Variants in ARL9 observed in about 807,000 individuals in gnomAD.
ARL9 encodes ADP-ribosylation factor-like protein 9.
Under a neutral mutation model 27.0 loss-of-function variants are expected in ARL9, and 14 were observed. The observed-to-expected ratio is 0.52, with a 90% CI of 0.34 to 0.81. The LOEUF is 0.81. Ranked by LOEUF, ARL9 falls within the 30% of genes least tolerant of loss-of-function variation. The probability of loss-of-function intolerance (pLI) is 0.01; values close to 1 mark genes in which losing one functional copy is unlikely to be tolerated. For missense variants in ARL9, 294 were observed against 290.0 expected, an observed-to-expected ratio of 1.01 and a Z score of -0.10; for synonymous variants, 106 against 108.7, an observed-to-expected ratio of 0.98 and a Z score of 0.15.
At chr4:56,508,971 A>T (rs1721546504) in intron 1 of ARL9, among the ~76,000 whole-genome samples, 1 of 152,140 alleles carries the variant, frequency 6.6e-6, no homozygotes, top group Admixed American at 6.5e-5. Flanking sequence ...TTTTGTGCAT[A>T]AGAAACTTCT....
intron 3 of ARL9, 91 bp downstream of exon 3, chr4:56,518,944 A>C: frequency 8.2e-7 from 1 of 1,212,378 alleles, no homozygotes; most frequent in Non-Finnish European, 1.1e-6. Context: ...ACAATATGCT[A>C]TATATTTAAC....
intron 1 of ARL9, among the ~76,000 whole-genome samples, chr4:56,508,670 G>A (rs1721538319): frequency 6.6e-6 from 1 of 152,192 alleles, no homozygotes. Flanking sequence ...ACAGGTAAGA[G>A]CCACCGCACC....
At position 56,518,699 on chromosome 4, in the gene ARL9, G is replaced by A. The variant is rs145868854; in HGVS notation, c.464G>A (p.Arg155Gln). ...FLEIGGSKPF[R>Q]SYWEMYLSKG... ...GTAGTTGGTGGCAGTAAACCTTTTC[G>A]GTCCTACTGGGAAATGTACCTATCC... The change falls in exon 3 of 4, where the codon CGG (arginine) becomes CAG (glutamine). Residue 155 changes from arginine to glutamine, a missense_variant. Arg to Gln is a conservative substitution (Grantham distance 43). Transcript: ENST00000640821. 1.2e-3 allele frequency: 1,863 copies of A among 1,612,670 alleles called. 10 individuals carry two copies. In the Middle Eastern group the frequency reaches 0.016, roughly 14 times the overall value.
chr4:56,506,349 T>C (rs1338257635), intron 1 of ARL9, among the ~76,000 whole-genome samples: 1 of 152,154 alleles, frequency 6.6e-6, no homozygotes, highest in Non-Finnish European at 1.5e-5. Flanking sequence ...CCCTAGCCCT[T>C]ATCGCTACCC....
At chr4:56,521,140 G>A (rs1429790923) in intron 3 of ARL9, among the ~76,000 whole-genome samples, 2 of 151,878 alleles carry the variant, frequency 1.3e-5, no homozygotes, top group Non-Finnish European at 2.9e-5. Flanking sequence ...GAACCCGGGA[G>A]GTGGAGGTTG....
intron 1 of ARL9, among the ~76,000 whole-genome samples, chr4:56,508,416 C>T (rs568039596): frequency 1.3e-5 from 2 of 152,026 alleles, no homozygotes; most frequent in East Asian, 1.9e-4. Context: ...GAGTTTCACT[C>T]ATGTTGCCCA....
At chr4:56,506,634 A>AATGG in intron 1 of ARL9, 1 of 985,416 alleles carries the variant, frequency 1.0e-6, no homozygotes, top group Non-Finnish European at 1.2e-6. Flanking sequence ...CAGTACCATG[A>AATGG]ATGGATGGCG....
intron 3 of ARL9, among the ~76,000 whole-genome samples, chr4:56,523,110 G>T (rs978015752): frequency 3.3e-5 from 5 of 152,232 alleles, no homozygotes; most frequent in Admixed American, 2.6e-4. Flanking sequence ...ATTAGTCTGG[G>T]TGCAGTGGCT....
Position 56,511,182 on chromosome 4 carries a change from C to A in ARL9, c.280-3C>A. 6.4e-7 allele frequency: 1 copy of A among 1,562,574 alleles called. No individual in the cohort carries two copies. The highest frequency in any genetic ancestry group is 8.7e-7 in the Non-Finnish European group (1 of 1,155,800). ...CTTATTGATTTATCTTTTTGTTTCA[C>A]AGGAGAAAAACAAGCAAATCCTAGT... On this transcript the variant is annotated splice_region_variant and splice_polypyrimidine_tract_variant and intron_variant, in intron 1 of 3. Coordinates refer to ENST00000640821, the MANE Select transcript of ARL9 (RefSeq NM_001363794.2).
At chr4:56,507,045 C>T (rs1721486820) in intron 1 of ARL9, among the ~76,000 whole-genome samples, 1 of 152,182 alleles carries the variant, frequency 6.6e-6, no homozygotes, top group South Asian at 2.1e-4. Context: ...ATCCGCCCGC[C>T]TCAGCCTCCC....
chr4:56,517,958 C>A (rs2110152020), intron 2 of ARL9, among the ~76,000 whole-genome samples: 1 of 152,262 alleles, frequency 6.6e-6, no homozygotes, highest in East Asian at 1.9e-4. Flanking sequence ...AGCCTACCAT[C>A]CTTTCCATTC....
intron 1 of ARL9, among the ~76,000 whole-genome samples, chr4:56,506,425 G>T (rs76513197): frequency 0.13 from 19,781 of 152,046 alleles, 1,639 homozygotes; most frequent in East Asian, 0.27. Flanking sequence ...ATGGGGACAT[G>T]GGGAACGGCC....
In ARL9 at chr4:56,523,796, A is replaced by G. The variant is rs1722000611; in HGVS notation, c.718A>G (p.Thr240Ala). ...RKMFLFGTYL[T>A]KNGSEIPSTM... ...GATGTTCTTGTTTGGAACCTACCTG[A>G]CTAAGAATGGCTCAGAGATACCCTC... Residue 240 changes from threonine to alanine, a missense_variant, in exon 4 of 4, where the codon ACT (threonine) becomes GCT (alanine). Physicochemically the swap from Thr to Ala is moderately conservative, Grantham distance 58. Coordinates refer to ENST00000640821, the MANE Select transcript of ARL9 (RefSeq NM_001363794.2). 1.9e-6 allele frequency: 3 copies of G among 1,613,868 alleles called. No homozygotes were observed. The highest frequency in any genetic ancestry group is 2.2e-5 in the East Asian group (1 of 44,884).
chr4:56,511,371 T>C (rs2110145699), intron 2 of ARL9, 24 bp downstream of exon 2: 1 of 1,589,174 alleles, frequency 6.3e-7, no homozygotes, highest in Admixed American at 1.8e-5. Context: ...TCCTTAGTTA[T>C]AAGATAGCCA....
rs1721454020 is a variant in ARL9 at position 56,506,146 on chromosome 4, G to A, written c.279+5G>A. 8.1e-6 allele frequency: 10 copies of A among 1,233,574 alleles called. No individual in the cohort carries two copies. Among genetic ancestry groups the A allele is most frequent in the Non-Finnish European group, 9.1e-6 (9 of 989,180 alleles). 76.4% of individuals were successfully genotyped at this position (1,233,574 alleles called of 1,614,324 possible). On this transcript the variant is annotated splice_donor_5th_base_variant and intron_variant, in intron 1 of 3. Transcript: ENST00000640821. ...AGGACCCCGCTCGAGCCGCTGGTAA[G>A]AGACCCAGTGCCCAGGACCCCTTGC...
intron 2 of ARL9, among the ~76,000 whole-genome samples, chr4:56,518,206 GT>G (rs1560698958): frequency 6.6e-6 from 1 of 151,928 alleles, no homozygotes; most frequent in Non-Finnish European, 1.5e-5. Flanking sequence ...TCATTTTTTA[GT>G]TTTTATTTTT....
At chr4:56,509,924 G>T (rs1389781668) in intron 1 of ARL9, among the ~76,000 whole-genome samples, 2 of 151,792 alleles carry the variant, frequency 1.3e-5, no homozygotes, top group African/African-American at 4.8e-5. Context: ...GGCCAGGCTG[G>T]TTTCGAACTC....
intron 1 of ARL9, 38 bp from the exon 2 acceptor site, chr4:56,511,147 A>T (rs1271843272): frequency 6.7e-7 from 1 of 1,485,046 alleles, no homozygotes; most frequent in African/African-American, 1.4e-5. Context: ...TGAGCCCCTG[A>T]TAGCATGGGC....
At chr4:56,509,222 T>G (rs192178100) in intron 1 of ARL9, among the ~76,000 whole-genome samples, 1,972 of 150,864 alleles carry the variant, frequency 0.013, 44 homozygotes, top group African/African-American at 0.044. Context: ...TTTTTTTTTT[T>G]GGGATGGAGT....
Sources: allele counts gnomAD v4.1 joint callset (sites outside exome capture counted in the v4.1 genomes callset), GRCh38; gene constraint gnomAD v4.1.1; transcripts MANE v1.5; gene names NCBI Gene and HGNC (gene_info 2026-07-23, HGNC 2026-07-21).